Variants in NALCN observed in about 807,000 individuals in gnomAD.
NALCN encodes sodium leak channel NALCN.
Under a neutral mutation model 225.3 loss-of-function variants are expected in NALCN, and 111 were observed. The ratio of observed to expected loss-of-function variants is 0.49; its 90% CI spans 0.42 to 0.58. NALCN has a LOEUF of 0.58. Ranked by LOEUF, NALCN falls within the 20% of genes least tolerant of loss-of-function variation. NALCN has a pLI of 0.00. For missense variants in NALCN, 1,378 were observed against 2,202.4 expected (o/e 0.63, Z 7.49); for synonymous variants, 764 against 769.0 (o/e 0.99, Z 0.11).
At chr13:101,365,651 C>T (rs2046359779) in intron 6 of NALCN, among the ~76,000 whole-genome samples, 1 of 151,948 alleles carries the variant, frequency 6.6e-6, no homozygotes, top group Non-Finnish European at 1.5e-5. Context: ...TATAAACTTC[C>T]CCTGGGCAAG....
Position 101,159,889 on chromosome 13 carries a change from C to T in NALCN, c.1840-14993G>A, listed in dbSNP as rs116802774. 3.9e-3 allele frequency among the ~76,000 whole-genome samples: 594 copies of T among 152,262 alleles called. 6 individuals are homozygous for T. Among genetic ancestry groups the T allele is most frequent in the African/African-American group, 0.013 (543 of 41,550 alleles). ...ACTGAAAGAGAGGGAAGACATTTCTCCAAAATCACATCTCTTTGTTAGTGA... is the reference window on the plus strand; with the variant it reads ...ACTGAAAGAGAGGGAAGACATTTCTTCAAAATCACATCTCTTTGTTAGTGA... On this transcript the variant is annotated intron_variant, in intron 15 of 43. Coordinates refer to ENST00000251127, the MANE Select transcript of NALCN (RefSeq NM_052867.4).
At chr13:101,258,815 A>T (rs2140218092) in intron 10 of NALCN, among the ~76,000 whole-genome samples, 1 of 152,324 alleles carries the variant, frequency 6.6e-6, no homozygotes, top group African/African-American at 2.4e-5. Context: ...AATGGAAAAC[A>T]TATATCATTT....
intron 18 of NALCN, among the ~76,000 whole-genome samples, chr13:101,122,881 C>A (rs948946283): frequency 6.6e-6 from 1 of 152,142 alleles, no homozygotes; most frequent in African/African-American, 2.4e-5. Flanking sequence ...AAAACTGTCA[C>A]CTGGATAAAT....
intron 17 of NALCN, among the ~76,000 whole-genome samples, chr13:101,130,456 T>G (rs1566313518): frequency 2.0e-5 from 3 of 152,212 alleles, no homozygotes; most frequent in Non-Finnish European, 2.9e-5. Context: ...TGCCAAATGG[T>G]TTAAGAGTCC....
chr13:101,229,402 C>G lies in NALCN; in HGVS notation c.1617G>C (p.Thr539=). The G allele has an allele frequency of 3.2e-6, 5 of 1,558,942 alleles. No individual in the cohort carries two copies. Among genetic ancestry groups the G allele is most frequent in the Non-Finnish European group, 4.3e-6 (5 of 1,154,058 alleles). The change falls in exon 13 of 44, where the codon ACG becomes ACC. Residue 539 remains threonine (T), a synonymous_variant. Transcript: ENST00000251127. ...CFVEELDRFT[T]FPRAFMSMFQ... ...TTTTTAAAACTCTTACCCTCGGAAACGTAGTAAATCTGTCCAGTTCTTCGA... is the reference window on the plus strand; with the variant it reads ...TTTTTAAAACTCTTACCCTCGGAAAGGTAGTAAATCTGTCCAGTTCTTCGA...
chr13:101,405,648 C>G (rs1329219655), intron 1 of NALCN, among the ~76,000 whole-genome samples: 1 of 152,226 alleles, frequency 6.6e-6, no homozygotes, highest in Non-Finnish European at 1.5e-5. Flanking sequence ...ACGCACTGGG[C>G]ACTTTCCAGA....
Position 101,143,126 on chromosome 13 carries a change from T to G in NALCN, c.2072A>C (p.His691Pro), listed in dbSNP as rs771625258. 5 of 1,614,010 alleles carry G rather than the reference T, an allele frequency of 3.1e-6. No homozygotes were observed. The South Asian group carries it at 5.5e-5, about 18-fold the overall frequency. ...LPTTSSSSCD[H>P]SKRSAIEDNK... is the part of the protein sequence containing the mutation. ...GTCCTCAATTGCTGAGCGTTTGGAG[T>G]GGTCGCAGGAGGAGGAAGAGGTGGT... The change falls in exon 17 of 44, where the codon CAC (histidine) becomes CCC (proline). Residue 691 changes from histidine to proline, a missense_variant. By Grantham distance (77) the His-to-Pro change is moderately conservative. Transcript: ENST00000251127.
chr13:101,276,497 C>A (rs1372417584), intron 10 of NALCN, among the ~76,000 whole-genome samples: 2 of 152,196 alleles, frequency 1.3e-5, no homozygotes, highest in Non-Finnish European at 2.9e-5. Flanking sequence ...GTTAAATTTA[C>A]AAGTATGTGC....
chr13:101,381,528 T>G (rs2046848025), intron 3 of NALCN, among the ~76,000 whole-genome samples: 1 of 152,114 alleles, frequency 6.6e-6, no homozygotes, highest in Non-Finnish European at 1.5e-5. Flanking sequence ...TTTCTGAGCC[T>G]AAATTTGATT....
chr13:101,218,211 G>A (rs1351970642), intron 13 of NALCN, among the ~76,000 whole-genome samples: 1 of 152,118 alleles, frequency 6.6e-6, no homozygotes, highest in South Asian at 2.1e-4. Flanking sequence ...AGGAAGCCTG[G>A]AAATGTCACA....
At chr13:101,061,930 G>A in intron 41 of NALCN, 38 bp downstream of exon 41, 1 of 1,583,382 alleles carries the variant, frequency 6.3e-7, no homozygotes, top group Non-Finnish European at 8.6e-7. Context: ...GGGCGGGGCG[G>A]GGCGGGGACC....
intron 18 of NALCN, among the ~76,000 whole-genome samples, chr13:101,121,544 G>A (rs9585626): frequency 0.15 from 23,369 of 151,962 alleles, 2,003 homozygotes; most frequent in African/African-American, 0.21. Flanking sequence ...TTACCTCCCT[G>A]GCGAGGAACC....
At chr13:101,338,870 A>G (rs1180284428) in intron 7 of NALCN, among the ~76,000 whole-genome samples, 1 of 152,234 alleles carries the variant, frequency 6.6e-6, no homozygotes, top group Non-Finnish European at 1.5e-5. Flanking sequence ...GACATCTGCA[A>G]ATCTGGAGAA....
At chr13:101,135,079 C>T (rs1232435342) in intron 17 of NALCN, among the ~76,000 whole-genome samples, 6 of 152,090 alleles carry the variant, frequency 3.9e-5, no homozygotes, top group Admixed American at 3.9e-4. Flanking sequence ...CCTGTAGTCC[C>T]AGCTACTCAG....
At chr13:101,383,462 G>C (rs1342232649) in intron 3 of NALCN, among the ~76,000 whole-genome samples, 1 of 152,086 alleles carries the variant, frequency 6.6e-6, no homozygotes, top group Admixed American at 6.6e-5. Flanking sequence ...TTCTGAAGAT[G>C]AGTAACACCC....
At chr13:101,072,250 T>C (rs536847691) in intron 37 of NALCN, among the ~76,000 whole-genome samples, 1 of 152,288 alleles carries the variant, frequency 6.6e-6, no homozygotes, top group African/African-American at 2.4e-5. Flanking sequence ...CCACACAAGA[T>C]TGCCATAAAC....
At chr13:101,055,718 C>CTCACCCCTTTCATTTTGA (rs1317028632) in intron 43 of NALCN, among the ~76,000 whole-genome samples, 1 of 151,882 alleles carries the variant, frequency 6.6e-6, no homozygotes, top group African/African-American at 2.4e-5. Flanking sequence ...AAACGTGCTG[C>CTCACCCCTTTCATTTTGA]TCACCCCTTT....
At chr13:101,324,682 C>T (rs543291502) in intron 7 of NALCN, among the ~76,000 whole-genome samples, 7 of 152,248 alleles carry the variant, frequency 4.6e-5, no homozygotes, top group South Asian at 4.1e-4. Context: ...TGGGCTGAGA[C>T]GATGGGGTTT....
intron 7 of NALCN, among the ~76,000 whole-genome samples, chr13:101,304,521 A>G (rs1455614940): frequency 6.6e-6 from 1 of 150,594 alleles, no homozygotes; most frequent in African/African-American, 2.4e-5. Flanking sequence ...CAGTGGTGCC[A>G]TCTCGGCTCA....
Sources: allele counts gnomAD v4.1 joint callset (sites outside exome capture counted in the v4.1 genomes callset), GRCh38; gene constraint gnomAD v4.1.1; transcripts MANE v1.5; gene names NCBI Gene and HGNC (gene_info 2026-07-23, HGNC 2026-07-21).